ADAP2: variants seen among roughly 807,000 people sequenced by gnomAD.
ADAP2 encodes ArfGAP with dual PH domains 2.
ADAP2 carries 42 observed loss-of-function variants against 54.9 expected under a neutral mutation model. That is an observed-to-expected ratio of 0.77 (90% confidence interval 0.60 to 0.99). The LOEUF is 0.99. Among genes scored for constraint, ADAP2 ranks in the 50% least tolerant of loss-of-function variants. The pLI, the probability that ADAP2 is intolerant of heterozygous loss-of-function variation, is 0.00. For missense variants in ADAP2, 429 were observed against 480.4 expected, an observed-to-expected ratio of 0.89 and a Z score of 1.00; for synonymous variants, 177 against 180.1, an observed-to-expected ratio of 0.98 and a Z score of 0.14.
chr17:30,948,442 C>T (rs545061600), intron 6 of ADAP2, among the ~76,000 whole-genome samples: 48 of 150,882 alleles, frequency 3.2e-4, no homozygotes, highest in African/African-American at 6.3e-4. Context: ...TGGTGGTGGG[C>T]GCCTGTAGTC....
chr17:30,949,617 C>T (rs1223633951), intron 7 of ADAP2, among the ~76,000 whole-genome samples: 5 of 151,970 alleles, frequency 3.3e-5, no homozygotes, highest in South Asian at 2.1e-4. Flanking sequence ...GGTGTGGTGG[C>T]AGGCGCCTGT....
intron 5 of ADAP2, among the ~76,000 whole-genome samples, chr17:30,936,921 T>G (rs1412268176): frequency 6.6e-6 from 1 of 152,130 alleles, no homozygotes; most frequent in Non-Finnish European, 1.5e-5. Context: ...TTATTTGACT[T>G]AAGTTTTTGA....
chr17:30,941,567 C>G (rs1912271446), intron 5 of ADAP2, among the ~76,000 whole-genome samples: 1 of 152,212 alleles, frequency 6.6e-6, no homozygotes, highest in African/African-American at 2.4e-5. Context: ...GTGCCTCAAA[C>G]AAAATCCCAC....
intron 7 of ADAP2, among the ~76,000 whole-genome samples, chr17:30,950,363 C>T (rs948480885): frequency 6.6e-6 from 1 of 152,158 alleles, no homozygotes; most frequent in Admixed American, 6.6e-5. Flanking sequence ...GATGCTGTCT[C>T]GAGCCAGGAA....
intron 4 of ADAP2, among the ~76,000 whole-genome samples, chr17:30,933,221 T>C (rs991861887): frequency 2.6e-5 from 4 of 152,130 alleles, no homozygotes; most frequent in Non-Finnish European, 5.9e-5. Flanking sequence ...AGGGTCTCAC[T>C]CTGTTACCCA....
At chr17:30,926,011 T>C (rs1911033475) in intron 2 of ADAP2, among the ~76,000 whole-genome samples, 2 of 152,106 alleles carry the variant, frequency 1.3e-5, no homozygotes, top group Admixed American at 1.3e-4. Flanking sequence ...GGATTACAGG[T>C]GTGAGCCACT....
intron 7 of ADAP2, among the ~76,000 whole-genome samples, chr17:30,951,552 T>TCTCGAACTTCTGGC (rs1373347466): frequency 6.6e-6 from 1 of 152,038 alleles, no homozygotes; most frequent in Non-Finnish European, 1.5e-5. Context: ...CCCAGGCTGG[T>TCTCGAACTTCTGGC]CTCGAACTTC....
intron 3 of ADAP2, among the ~76,000 whole-genome samples, chr17:30,927,795 G>T (rs1178664334): frequency 3.9e-5 from 6 of 152,006 alleles, no homozygotes; most frequent in Admixed American, 2.0e-4. Flanking sequence ...TGAGGTGGGA[G>T]GATCGCTTGA....
intron 7 of ADAP2, among the ~76,000 whole-genome samples, chr17:30,950,912 G>C (rs8075184): frequency 0.21 from 31,559 of 152,176 alleles, 10,294 homozygotes; most frequent in African/African-American, 0.7. Flanking sequence ...GCCCATCTTT[G>C]CTGACATGTG....
rs1310924115 is a variant in ADAP2, at chr17:30,934,296, A to G, written c.509A>G (p.Gln170Arg). 1 of 1,609,248 alleles carries G rather than the reference A, an allele frequency of 6.2e-7. No homozygotes were observed. Among genetic ancestry groups the G allele is most frequent in the South Asian group, 1.1e-5 (1 of 90,882 alleles). Residue 170 changes from glutamine (Q) to arginine (R), a missense_variant and splice_region_variant, in exon 5 of 11, where the codon CAG becomes CGG. By Grantham distance (43) the Gln-to-Arg change is conservative. Coordinates refer to ENST00000330889, the MANE Select transcript of ADAP2 (RefSeq NM_018404.3). Reference protein sequence around the residue: ...EGLLKYFTKEQGKSPKAVISI... With the variant: ...EGLLKYFTKERGKSPKAVISI... ...CTCCTGAAGTACTTCACAAAGGAAC[A>G]GGTAAGATGCCAGACCAATGAGAGC... is the stretch of plus-strand genomic sequence containing the variant.
Position 30,956,305 on chromosome 17 carries a change from AC to A in ADAP2, c.949del (p.Leu317CysfsTer48). 6.2e-7 allele frequency: 1 copy of A among 1,614,184 alleles called. No homozygotes were observed. Among genetic ancestry groups the A allele is most frequent in the Non-Finnish European group, 8.5e-7 (1 of 1,180,028 alleles). ...NKEQGYEAYE[D>X]LPKGIRGNRW... ...GAGCAGGGATATGAAGCCTACGAAG[AC>A]CTGCCCAAGGGCATCCGAGGAAATC... On this transcript the variant is annotated frameshift_variant, in exon 10 of 11. Coordinates refer to ENST00000330889, the MANE Select transcript of ADAP2 (RefSeq NM_018404.3). LOFTEE classifies it high-confidence loss of function.
rs559301333 is a variant in ADAP2, at chr17:30,922,520, A to T, written c.94+412A>T. Among the ~76,000 whole-genome samples, 3 of 152,090 alleles carry T rather than the reference A, an allele frequency of 2.0e-5. No individual in the cohort carries two copies. The South Asian group carries it at 6.2e-4, about 32-fold the overall frequency. ...ACTCAGACATCCCAGCCAGGGCTAA[A>T]CGTCGGGCCCAGGCCGCCGACAGTC... On this transcript the variant is annotated intron_variant, in intron 1 of 10. Coordinates refer to ENST00000330889, the MANE Select transcript of ADAP2 (RefSeq NM_018404.3).
rs528526958 is a variant in ADAP2, at chr17:30,925,311, T to G, written c.226-1516T>G. Among the ~76,000 whole-genome samples, 264 of 151,450 alleles carry G rather than the reference T, an allele frequency of 1.7e-3. 1 individual carries two copies. Among genetic ancestry groups the G allele is most frequent in the African/African-American group, 5.8e-3 (241 of 41,238 alleles). On this transcript the variant is annotated intron_variant, in intron 2 of 10. Transcript: ENST00000330889. ...TTCAAGCGATTCTCCTGCCTCAGTC[T>G]CCTGAGTAGCTGGGATTACAGGCGC...
intron 5 of ADAP2, among the ~76,000 whole-genome samples, chr17:30,943,495 G>A (rs1454545307): frequency 1.3e-5 from 2 of 152,136 alleles, no homozygotes; most frequent in Non-Finnish European, 2.9e-5. Context: ...CCCATCAATG[G>A]TGGACTGGAT....
At chr17:30,944,000 G>A (rs531573492) in intron 5 of ADAP2, among the ~76,000 whole-genome samples, 15 of 151,726 alleles carry the variant, frequency 9.9e-5, no homozygotes, top group African/African-American at 2.7e-4. Flanking sequence ...AGACCAGCCC[G>A]GCTAACATGG....
intron 6 of ADAP2, among the ~76,000 whole-genome samples, chr17:30,947,423 G>A (rs1912755448): frequency 6.6e-6 from 1 of 151,858 alleles, no homozygotes; most frequent in Admixed American, 6.6e-5. Flanking sequence ...GTGCAATCTC[G>A]GCTCACTGCA....
chr17:30,927,183 G>T (rs1371310457), intron 3 of ADAP2, among the ~76,000 whole-genome samples: 1 of 152,056 alleles, frequency 6.6e-6, no homozygotes, highest in Non-Finnish European at 1.5e-5. Context: ...TTTTCTGTAT[G>T]ATCTCTATGA....
chr17:30,944,197 AAAC>A (rs1448010266), intron 5 of ADAP2, among the ~76,000 whole-genome samples: 1 of 152,212 alleles, frequency 6.6e-6, no homozygotes, highest in East Asian at 1.9e-4. Context: ...ACAAAAATAA[AAAC>A]AAAGAAAAGA....
In ADAP2 at chr17:30,923,347, C is replaced by T. The variant is rs1598019687; in HGVS notation, c.225+277C>T. ...TGGAGCAATCTTGGCTCACTGCAAC[C>T]GCTGCCTCCCGGGTTCAAGTAATTC... is the stretch of plus-strand genomic sequence containing the variant. On this transcript the variant is annotated intron_variant, in intron 2 of 10. Coordinates refer to ENST00000330889, the MANE Select transcript of ADAP2 (RefSeq NM_018404.3). Among the ~76,000 whole-genome samples the T allele has an allele frequency of 2.6e-5, 4 of 151,594 alleles. No individual in the cohort carries two copies. In the South Asian group the frequency reaches 8.3e-4, roughly 32 times the overall value.
Sources: gnomAD v4.1 joint callset for allele counts (sites outside exome capture counted in the v4.1 genomes callset) on GRCh38, gnomAD v4.1.1 for gene constraint, MANE v1.5 for transcripts, NCBI Gene and HGNC (gene_info 2026-07-23, HGNC 2026-07-21) for gene names.